PIDD1: variants seen among roughly 807,000 people sequenced by gnomAD.
The protein encoded by PIDD1 is p53-induced death domain protein 1, also known as p53-induced death domain-containing protein 1.
In PIDD1, 72 loss-of-function variants were observed where a neutral mutation model predicts 80.0. The ratio of observed to expected loss-of-function variants is 0.90; its 90% CI spans 0.74 to 1.09. The LOEUF is 1.09. Among genes scored for constraint, PIDD1 ranks in the 50% least tolerant of loss-of-function variants. The pLI is 0.00. For missense variants in PIDD1, 1,329 were observed against 1,228.3 expected, an observed-to-expected ratio of 1.08 and a Z score of -1.23; for synonymous variants, 655 against 543.5, an observed-to-expected ratio of 1.21 and a Z score of -2.85.
Position 800,594 on chromosome 11 carries a change from C to T in PIDD1, c.1990G>A (p.Glu664Lys), listed in dbSNP as rs953381104. The T allele has an allele frequency of 5.6e-6, 9 of 1,593,076 alleles. No individual in the cohort carries two copies. Among genetic ancestry groups the T allele is most frequent in the East Asian group, 2.2e-5 (1 of 44,678 alleles). Residue 664 changes from glutamate to lysine, a missense_variant, in exon 12 of 16, where the codon GAG (glutamate) becomes AAG (lysine). Transcript: ENST00000347755. The part of the protein sequence containing the change: ...PEPSDTVEMF[E>K]GEEFFAAFER... ...AAGGCCGCAAAGAACTCTTCGCCCT[C>T]GAACATCTCCACCGTGTCAGAGGGC...
In PIDD1 at chr11:803,595, G is replaced by T; in HGVS notation, c.296-8C>A. On this transcript the variant is annotated splice_region_variant and splice_polypyrimidine_tract_variant and intron_variant, in intron 2 of 15. Transcript: ENST00000347755. ...TGTCCCGGCGTTGCCCTCCTGGGAAGGGGGGAGGCGGATGTGGCCCTCAGA... is the reference window on the plus strand; with the variant it reads ...TGTCCCGGCGTTGCCCTCCTGGGAATGGGGGAGGCGGATGTGGCCCTCAGA... 4.4e-6 allele frequency: 7 copies of T among 1,597,966 alleles called. No individual in the cohort carries two copies. Among genetic ancestry groups the T allele is most frequent in the South Asian group, 1.1e-5 (1 of 89,650 alleles).
rs762153907 is a variant in PIDD1, at chr11:801,012, G to A, written c.1739C>T (p.Ala580Val). The change falls in exon 10 of 16, where the codon GCA becomes GTA. Residue 580 changes from alanine to valine, a missense_variant. Physicochemically the swap from Ala to Val is moderately conservative, Grantham distance 64. Coordinates refer to ENST00000347755, the MANE Select transcript of PIDD1 (RefSeq NM_145886.4). ...QVVLELTHLYARFQVTHFSWY... is the reference protein window; with the variant it reads ...QVVLELTHLYVRFQVTHFSWY... ...GGAGAAGTGTGTGACCTGGAAGCGTGCGTACAGGTGGGTGAGCTCCAGGAC... is the reference window on the plus strand; with the variant it reads ...GGAGAAGTGTGTGACCTGGAAGCGTACGTACAGGTGGGTGAGCTCCAGGAC... 1 of 1,603,654 alleles carries A rather than the reference G, an allele frequency of 6.2e-7. No homozygotes were observed. Among genetic ancestry groups the A allele is most frequent in the South Asian group, 1.1e-5 (1 of 89,368 alleles).
At position 800,464 on chromosome 11, in the gene PIDD1, G is replaced by A. The variant is rs1250734731; in HGVS notation, c.2042-13C>T. ...CAGTCAGGGCGGTCTAGGGGACAGG[G>A]GTGGGCTGAGCAAGGAGGGCTCGGG... On this transcript the variant is annotated splice_polypyrimidine_tract_variant and intron_variant, in intron 12 of 15. Transcript: ENST00000347755. 6.2e-7 allele frequency: 1 copy of A among 1,611,942 alleles called. No individual in the cohort carries two copies.
intron 2 of PIDD1, 125 bp from the exon 3 acceptor site, chr11:803,712 G>T: frequency 9.5e-7 from 1 of 1,053,054 alleles, no homozygotes; most frequent in Non-Finnish European, 1.4e-6. Flanking sequence ...ACCCCAGCCA[G>T]ACAGGGACAG....
chr11:801,964 C>A lies in PIDD1; in HGVS notation c.1302+1G>T. 6.3e-7 allele frequency: 1 copy of A among 1,598,426 alleles called. No homozygotes were observed. The highest frequency in any genetic ancestry group is 8.5e-7 in the Non-Finnish European group (1 of 1,173,108). ...CACCGGCAGGCCTGGGTGGCCCTCA[C>A]CTGGGGTGCCTCTTCCTCCAGGTAG... On this transcript the variant is annotated splice_donor_variant, in intron 7 of 15. Transcript: ENST00000347755. LOFTEE classifies it high-confidence loss of function.
rs550392917 is a variant in PIDD1, at chr11:800,647, C to T, written c.1937G>A (p.Arg646Gln). ...PRNKVDATLR[R>Q]LLERYRGPEP... ...GGGGCCCCGGTACCGCTCCAGCAGC[C>T]GCCGAAGGGTGGCGTCCACCTGCGG... The change falls in exon 12 of 16, where the codon CGG becomes CAG. Residue 646 changes from arginine (R) to glutamine (Q), a missense_variant. By Grantham distance (43) the Arg-to-Gln change is conservative (BLOSUM62 1). Transcript: ENST00000347755. 25 of 1,591,312 alleles carry T rather than the reference C, an allele frequency of 1.6e-5. No individual in the cohort carries two copies. The highest frequency in any genetic ancestry group is 4.0e-5 in the African/African-American group (3 of 74,794).
intron 5 of PIDD1, 70 bp downstream of exon 5, chr11:802,473 A>C: frequency 6.3e-7 from 1 of 1,598,756 alleles, no homozygotes; most frequent in East Asian, 2.2e-5. Flanking sequence ...GGAACTCTGG[A>C]GAAGGTGTCG....
In PIDD1 at chr11:802,020, C is replaced by T. The variant is rs537940511; in HGVS notation, c.1247G>A (p.Arg416Gln). Residue 416 changes from arginine to glutamine, a missense_variant, in exon 7 of 16, where the codon CGG becomes CAG. Physicochemically the swap from Arg to Gln is conservative, Grantham distance 43 (BLOSUM62 1). Transcript: ENST00000347755. ...CAGGTCACCCCAGCTGTTGTCATTC[C>T]GGGTCCTGACCACCACTTCACGGCA... ...RRCREVVVRT[R>Q]NDNSWGDLET... is the part of the protein sequence containing the mutation. 128 of 1,602,062 alleles carry T rather than the reference C, an allele frequency of 8.0e-5. No homozygotes were observed. The highest frequency in any genetic ancestry group is 1.0e-4 in the Non-Finnish European group (117 of 1,175,020).
At chr11:802,491 CAG>C (rs1276040142) in intron 5 of PIDD1, 50 bp downstream of exon 5, 27 of 1,604,508 alleles carry the variant, frequency 1.7e-5, no homozygotes, top group Non-Finnish European at 2.3e-5. Flanking sequence ...TCGGAGGGGC[CAG>C]AGTGACAGGC....
At chr11:809,232 C>T (rs559140105), upstream of PIDD1, among the ~76,000 whole-genome samples, 7 of 152,340 alleles carry the variant, frequency 4.6e-5, no homozygotes, top group African/African-American at 1.7e-4. Context: ...AAGCGGCCAG[C>T]GCAGGGGCTG....
At chr11:800,077 G>A (rs758619369) in intron 14 of PIDD1, 54 bp downstream of exon 14, 2 of 1,602,774 alleles carry the variant, frequency 1.2e-6, no homozygotes, top group East Asian at 4.5e-5. Flanking sequence ...ATGTCACCCT[G>A]GTCACCCCTG....
chr11:799,889 A>G lies in PIDD1; in HGVS notation c.2400T>C (p.Gly800=), dbSNP rs1488780528. The part of the protein sequence containing the change: ...SNLLSVAGRL[G]LDWPAVALHL... The stretch of plus-strand genomic sequence containing the variant: ...GCAGGGCCACGGCTGGCCAGTCCAG[A>G]CCCAGACGCCCAGCCACACTCAGCA... Residue 800 remains glycine, a synonymous_variant, in exon 15 of 16, where the codon GGT becomes GGC. Coordinates refer to ENST00000347755, the MANE Select transcript of PIDD1 (RefSeq NM_145886.4). The G allele has an allele frequency of 6.2e-7, 1 of 1,611,816 alleles. No individual in the cohort carries two copies. The highest frequency in any genetic ancestry group is 1.3e-5 in the African/African-American group (1 of 74,880).
rs764920355 is a variant in PIDD1, at chr11:800,327, G to C, written c.2160+6C>G. 2.5e-6 allele frequency: 4 copies of C among 1,612,720 alleles called. No homozygotes were observed. Among genetic ancestry groups the C allele is most frequent in the Non-Finnish European group, 3.4e-6 (4 of 1,179,932 alleles). On this transcript the variant is annotated splice_donor_region_variant and intron_variant, in intron 13 of 15. Coordinates refer to ENST00000347755, the MANE Select transcript of PIDD1 (RefSeq NM_145886.4). ...GCCTCTCCCCTCACCCACTCCCCTC[G>C]CCCACCTGGCCCCGCACAGCCTGAG...
rs1565059248 is a variant in PIDD1, at chr11:801,632, G to GC, written c.1303-9_1303-8insG. On this transcript the variant is annotated splice_polypyrimidine_tract_variant and intron_variant, in intron 7 of 15. Coordinates refer to ENST00000347755, the MANE Select transcript of PIDD1 (RefSeq NM_145886.4). ...GCAGTGAGCCCAGAGCCGCTGGGATGGGGGAGAGAGGAGGTCACAGGAGCC... is the reference window on the plus strand; with the variant it reads ...GCAGTGAGCCCAGAGCCGCTGGGATGCGGGGAGAGAGGAGGTCACAGGAGCC... 6.9e-7 allele frequency: 1 copy of GC among 1,439,462 alleles called. No individual in the cohort carries two copies. Among genetic ancestry groups the GC allele is most frequent in the Non-Finnish European group, 9.1e-7 (1 of 1,094,708 alleles). The allele number at this position is 1,439,462 out of a possible 1,614,324, so 89.2% of individuals were successfully genotyped here.
At chr11:801,850 G>A in intron 7 of PIDD1, 115 bp downstream of exon 7, 4 of 1,389,636 alleles carry the variant, frequency 2.9e-6, no homozygotes, top group East Asian at 2.5e-5. Context: ...TAGGGAAGCA[G>A]GATCCAGGAG....
intron 10 of PIDD1, 21 bp downstream of exon 10, chr11:800,964 A>G (rs1465685042): frequency 6.3e-7 from 1 of 1,576,126 alleles, no homozygotes; most frequent in African/African-American, 1.3e-5. Flanking sequence ...AGGGGGGCTG[A>G]GAAAGCTGGG....
In PIDD1 at chr11:802,793, G is replaced by C. The variant is rs535678199; in HGVS notation, c.808C>G (p.Leu270Val). The change falls in exon 4 of 16, where the codon CTG becomes GTG. Residue 270 changes from leucine (L) to valine (V), a missense_variant. Coordinates refer to ENST00000347755, the MANE Select transcript of PIDD1 (RefSeq NM_145886.4). The stretch of plus-strand genomic sequence containing the variant: ...AGGTCCCGGAGCTGGTTGTCCCTCA[G>C]GTCGAGCCGGGTGAGGAGTGGAAGG... ...ARLPLLTRLD[L>V]RDNQLRDLPP... is the part of the protein sequence containing the mutation. 1 of 1,605,448 alleles carries C rather than the reference G, an allele frequency of 6.2e-7. No homozygotes were observed. The highest frequency in any genetic ancestry group is 2.2e-5 in the East Asian group (1 of 44,580).
chr11:803,786 C>T, intron 2 of PIDD1, 199 bp from the exon 3 acceptor site: 2 of 657,380 alleles, frequency 3.0e-6, no homozygotes, highest in East Asian at 2.7e-5. Flanking sequence ...ACCACCGGCT[C>T]ATCTCAGCTG....
upstream of PIDD1, among the ~76,000 whole-genome samples, chr11:807,744 T>G (rs1415902558): frequency 6.6e-6 from 1 of 152,168 alleles, no homozygotes; most frequent in Non-Finnish European, 1.5e-5. Flanking sequence ...GCGACTGCAC[T>G]CCAGCCTGGG....
Sources: gnomAD v4.1 joint callset for allele counts (sites outside exome capture counted in the v4.1 genomes callset) on GRCh38, gnomAD v4.1.1 for gene constraint, MANE v1.5 for transcripts, NCBI Gene and HGNC (gene_info 2026-07-23, HGNC 2026-07-21) for gene names.